MYO7B: variants seen among roughly 807,000 people sequenced by gnomAD.
MYO7B encodes myosin VIIB.
In MYO7B, 212 loss-of-function variants were observed where a neutral mutation model predicts 259.7. The observed-to-expected ratio is 0.82, with a 90% CI of 0.73 to 0.91. The LOEUF is 0.91. Ranked by LOEUF, MYO7B falls within the 40% of genes least tolerant of loss-of-function variation. The probability of loss-of-function intolerance (pLI) is 0.00; values close to 1 mark genes in which losing one functional copy is unlikely to be tolerated. For missense variants in MYO7B, 2,732 were observed against 2,813.5 expected (o/e 0.97, Z 0.66); for synonymous variants, 1,197 against 1,166.4 (o/e 1.03, Z -0.54).
intron 26 of MYO7B, among the ~76,000 whole-genome samples, chr2:127,617,487 GTTT>G (rs35542480): frequency 1.2e-4 from 10 of 84,822 alleles, no homozygotes; most frequent in East Asian, 2.8e-4. Context: ...TTGTAACGGG[GTTT>G]TTTTTTTTTT....
rs1455444531 is a variant in MYO7B, at chr2:127,576,135, G to A, written c.736-460G>A. Among the ~76,000 whole-genome samples, 1 of 151,950 alleles carries A rather than the reference G, an allele frequency of 6.6e-6. No individual in the cohort carries two copies. Among genetic ancestry groups the A allele is most frequent in the Non-Finnish European group, 1.5e-5 (1 of 67,982 alleles). ...GATGGCTTGAATCCAGGACTTCGAG[G>A]CTACAGTGGGCTGAGATTGCACCAC... On this transcript the variant is annotated intron_variant, in intron 7 of 47. Coordinates refer to ENST00000409816, the MANE Select transcript of MYO7B (RefSeq NM_001393586.1). The surrounding 1 kb of genome is among the most constrained non-coding windows in gnomAD (Gnocchi z 4.9).
intron 5 of MYO7B, among the ~76,000 whole-genome samples, chr2:127,567,330 A>T (rs10803587): frequency 0.86 from 130,135 of 152,154 alleles, 56,063 homozygotes; most frequent in East Asian, 1. Context: ...AAAAAAAAAC[A>T]CAGGGCAGGC....
intron 3 of MYO7B, 76 bp downstream of exon 3, chr2:127,564,342 G>A: frequency 1.6e-6 from 2 of 1,230,720 alleles, no homozygotes; most frequent in Non-Finnish European, 2.3e-6. Flanking sequence ...CCGCCCTGTG[G>A]AGCCTCTCCC....
intron 1 of MYO7B, among the ~76,000 whole-genome samples, chr2:127,540,811 A>C (rs1174841701): frequency 2.0e-5 from 3 of 152,196 alleles, no homozygotes; most frequent in African/African-American, 7.2e-5. Flanking sequence ...GGTTTTTGAA[A>C]AGGCACTGAT....
Position 127,631,643 on chromosome 2 carries a change from G to A in MYO7B, c.5139G>A (p.Trp1713Ter), listed in dbSNP as rs1285290365. 13 of 1,612,914 alleles carry A rather than the reference G, an allele frequency of 8.1e-6. No individual in the cohort carries two copies. The highest frequency in any genetic ancestry group is 1.1e-5 in the Non-Finnish European group (13 of 1,179,862). ...GCGACTACCCTTCTCGGCAGGCCTG[G>A]CCCACCCTGGAGCTCACCGACCAGA... ...YMGDYPSRQA[W>*]PTLELTDQIF... is the part of the protein sequence containing the mutation. Residue 1713 changes from tryptophan (W) to a stop codon, truncating the protein, a stop_gained, in exon 38 of 48, where the codon TGG becomes TGA. Transcript: ENST00000409816. LOFTEE classifies it high-confidence loss of function.
intron 35 of MYO7B, 132 bp downstream of exon 35, chr2:127,629,958 C>G: frequency 1.1e-6 from 1 of 937,542 alleles, no homozygotes; most frequent in Non-Finnish European, 1.4e-6. Flanking sequence ...GCCACCCGGG[C>G]AGCCCCCACC....
Position 127,578,217 on chromosome 2 carries a change from G to T in MYO7B, c.934G>T (p.Asp312Tyr), listed in dbSNP as rs902318351. 5 of 1,613,682 alleles carry T rather than the reference G, an allele frequency of 3.1e-6. No homozygotes were observed. The East Asian group carries it at 6.7e-5, about 22-fold the overall frequency. ...GGCCATGAAGATCCTCCAGTTCTCC[G>T]ACTCCGAGAGCTGGGACGTCATCAA... ...RSAMKILQFS[D>Y]SESWDVIKLL... Residue 312 changes from aspartate to tyrosine, a missense_variant, in exon 9 of 48, where the codon GAC (aspartate) becomes TAC (tyrosine). Physicochemically the swap from Asp to Tyr is radical, Grantham distance 160. Coordinates refer to ENST00000409816, the MANE Select transcript of MYO7B (RefSeq NM_001393586.1).
At chr2:127,582,498 G>A (rs1558814987) in intron 12 of MYO7B, 52 bp downstream of exon 12, 3 of 1,595,648 alleles carry the variant, frequency 1.9e-6, no homozygotes, top group East Asian at 4.5e-5. Flanking sequence ...CAGAAGATAA[G>A]CAGCTCCTCT....
chr2:127,616,727 C>T lies in MYO7B; in HGVS notation c.3399-3613C>T, dbSNP rs566191266. Among the ~76,000 whole-genome samples, 5 of 152,308 alleles carry T rather than the reference C, an allele frequency of 3.3e-5. No homozygotes were observed. The East Asian group carries it at 5.8e-4, about 18-fold the overall frequency. On this transcript the variant is annotated intron_variant, in intron 26 of 47. Coordinates refer to ENST00000409816, the MANE Select transcript of MYO7B (RefSeq NM_001393586.1). ...TGGAGAGAGGGAATTAATGTGCCTC[C>T]GGAGACCCACCCCTGAAGCAGAGCT...
chr2:127,627,964 A>T lies in MYO7B; in HGVS notation c.4461-408A>T, dbSNP rs1249718126. The T allele has an allele frequency of 2.2e-6, 1 of 464,340 alleles. No homozygotes were observed. Among genetic ancestry groups the T allele is most frequent in the Non-Finnish European group, 4.3e-6 (1 of 232,534 alleles). 28.8% of individuals were successfully genotyped at this position (464,340 alleles called of 1,614,324 possible). A position where few individuals can be genotyped will look rare whatever the true frequency, so the allele number is the denominator to read the frequency against. On this transcript the variant is annotated intron_variant, in intron 33 of 47. Coordinates refer to ENST00000409816, the MANE Select transcript of MYO7B (RefSeq NM_001393586.1). This position sits in a 1 kb window ranked among gnomAD's most constrained non-coding sequence, Gnocchi z 5.6. ...CATGCTGGGCACTTTCCTGTATGCC[A>T]CGAAGTACCGACAGCATCACCCATT...
At position 127,636,314 on chromosome 2, in the gene MYO7B, T is replaced by C; in HGVS notation, c.6113T>C (p.Phe2038Ser). 6.2e-7 allele frequency: 1 copy of C among 1,613,196 alleles called. No homozygotes were observed. Among genetic ancestry groups the C allele is most frequent in the Non-Finnish European group, 8.5e-7 (1 of 1,179,670 alleles). The change falls in exon 45 of 48, where the codon TTC becomes TCC. Residue 2038 changes from phenylalanine to serine, a missense_variant. Physicochemically the swap from Phe to Ser is radical, Grantham distance 155. This residue lies in a region of MYO7B where 821 missense variants were observed against 769.3 expected (regional missense o/e 1.07). Transcript: ENST00000409816. The surrounding 1 kb of genome is among the most constrained non-coding windows in gnomAD (Gnocchi z 4.5). Reference protein sequence around the residue: ...CRWPTFGSAFFEVKQTSEPSY... With the variant: ...CRWPTFGSAFSEVKQTSEPSY... ...TGGCCCACCTTCGGATCCGCCTTCT[T>C]CGAGGTGAAGGTAAACCTTGCCCCA...
Position 127,624,254 on chromosome 2 carries a change from C to A in MYO7B, c.3981C>A (p.Val1327=). The change falls in exon 30 of 48, where the codon GTC becomes GTA. Residue 1327 remains valine (V), a synonymous_variant. Transcript: ENST00000409816. Reference sequence around the variant, plus strand: ...GGCACGACTCCCGGGAGGACCCTGTCAGCACCGAGCTTATTTACCGCCAAG... The same window carrying A: ...GGCACGACTCCCGGGAGGACCCTGTAAGCACCGAGCTTATTTACCGCCAAG... ...TPWHDSREDP[V]STELIYRQVL... 6.3e-7 allele frequency: 1 copy of A among 1,595,734 alleles called. No homozygotes were observed. Among genetic ancestry groups the A allele is most frequent in the Non-Finnish European group, 8.5e-7 (1 of 1,171,946 alleles).
chr2:127,637,135 G>T, intron 47 of MYO7B, 181 bp from the exon 48 acceptor site: 1 of 945,720 alleles, frequency 1.1e-6, no homozygotes, highest in Non-Finnish European at 1.7e-6. Context: ...ATTCCAAGGA[G>T]GGAGGGAGAC....
At chr2:127,570,741 T>C (rs1057338949) in intron 6 of MYO7B, among the ~76,000 whole-genome samples, 1 of 151,794 alleles carries the variant, frequency 6.6e-6, no homozygotes, top group Admixed American at 6.6e-5. Flanking sequence ...CTCACACCCC[T>C]TCGTAGTCAC....
At chr2:127,623,142 G>A in intron 28 of MYO7B, 60 bp from the exon 29 acceptor site, 1 of 1,583,600 alleles carries the variant, frequency 6.3e-7, no homozygotes, top group South Asian at 1.1e-5. Flanking sequence ...GTGGATGGGG[G>A]GTTGGCCTCC....
rs1017126085 is a variant in MYO7B, at chr2:127,631,969, C to T, written c.5249+216C>T. 2.6e-5 allele frequency among the ~76,000 whole-genome samples: 4 copies of T among 152,244 alleles called. No individual in the cohort carries two copies. In the East Asian group the frequency reaches 7.7e-4, roughly 29 times the overall value. ...GAGAGGATGGCCCTGCCCACTCCCA[C>T]CCTCTGTGTGTGACCTGGCAGGCCA... On this transcript the variant is annotated intron_variant, in intron 38 of 47. Coordinates refer to ENST00000409816, the MANE Select transcript of MYO7B (RefSeq NM_001393586.1).
intron 4 of MYO7B, 109 bp from the exon 5 acceptor site, chr2:127,566,534 G>A: frequency 1.0e-6 from 1 of 956,972 alleles, no homozygotes. Context: ...ACCAAAGTCA[G>A]TGGCCCTGAT....
At chr2:127,621,785 CTA>C (rs1295530080) in intron 27 of MYO7B, among the ~76,000 whole-genome samples, 195 bp from the exon 28 acceptor site, 3 of 152,228 alleles carry the variant, frequency 2.0e-5, no homozygotes, top group Non-Finnish European at 4.4e-5. Flanking sequence ...CACATCAAGA[CTA>C]TGCACCGTTT....
Position 127,591,403 on chromosome 2 carries a change from A to G in MYO7B, c.1992+1174A>G, listed in dbSNP as rs80136308. Reference sequence around the variant, plus strand: ...CTGAGGCTGAAGCTCGGGGGTTAAGAGTGCCTCTGGCTGGGATATCTCTCA... The same window carrying G: ...CTGAGGCTGAAGCTCGGGGGTTAAGGGTGCCTCTGGCTGGGATATCTCTCA... On this transcript the variant is annotated intron_variant, in intron 16 of 47. Transcript: ENST00000409816. Among the ~76,000 whole-genome samples the G allele has an allele frequency of 6.8e-3, 1,031 of 152,298 alleles. 17 individuals carry two copies. Among genetic ancestry groups the G allele is most frequent in the African/African-American group, 0.024 (990 of 41,564 alleles).
Sources: allele counts gnomAD v4.1 joint callset (sites outside exome capture counted in the v4.1 genomes callset), GRCh38; gene constraint gnomAD v4.1.1; regional missense constraint gnomAD v4.1.1; non-coding constraint Gnocchi (gnomAD v3.1); transcripts MANE v1.5; gene names NCBI Gene and HGNC (gene_info 2026-07-23, HGNC 2026-07-21).